PDCD6IP: variants seen among roughly 807,000 people sequenced by gnomAD.
The protein encoded by PDCD6IP is programmed cell death 6-interacting protein.
A neutral mutation model predicts 103.7 loss-of-function variants in PDCD6IP; 43 were observed. That is an observed-to-expected ratio of 0.41 (90% CI 0.32 to 0.53). PDCD6IP has a LOEUF of 0.53. Ranked by LOEUF, PDCD6IP falls within the 20% of genes least tolerant of loss-of-function variation. The pLI, the probability that PDCD6IP is intolerant of heterozygous loss-of-function variation, is 0.16. For synonymous variants in PDCD6IP, 354 were observed against 378.7 expected, an observed-to-expected ratio of 0.93 and a Z score of 0.76; for missense variants, 871 against 1,036.7, an observed-to-expected ratio of 0.84 and a Z score of 2.20.
chr3:33,855,384 C>T (rs1697804192), intron 15 of PDCD6IP, 124 bp downstream of exon 15: 1 of 596,776 alleles, frequency 1.7e-6, no homozygotes, highest in Admixed American at 3.0e-5. Flanking sequence ...GAAGAAGGAA[C>T]TAGATAGAGT....
intron 4 of PDCD6IP, among the ~76,000 whole-genome samples, chr3:33,823,458 C>A (rs1207330744): frequency 6.6e-6 from 1 of 152,168 alleles, no homozygotes; most frequent in Non-Finnish European, 1.5e-5. Context: ...TACGCTATTT[C>A]TTTTTGAGGC....
chr3:33,844,393 A>T (rs953248598), intron 11 of PDCD6IP, among the ~76,000 whole-genome samples, 170 bp downstream of exon 11: 1 of 152,258 alleles, frequency 6.6e-6, no homozygotes, highest in African/African-American at 2.4e-5. Context: ...CAATTGTCAG[A>T]AGTACAGATT....
intron 7 of PDCD6IP, among the ~76,000 whole-genome samples, chr3:33,832,287 G>A (rs1169053046): frequency 6.6e-6 from 1 of 152,038 alleles, no homozygotes; most frequent in Non-Finnish European, 1.5e-5. Context: ...AATCCCCTAT[G>A]AGGCCCCACC....
At chr3:33,836,977 A>C (rs1279919503) in intron 8 of PDCD6IP, among the ~76,000 whole-genome samples, 1 of 151,138 alleles carries the variant, frequency 6.6e-6, no homozygotes, top group Non-Finnish European at 1.5e-5. Context: ...GCTGGAGTGC[A>C]ATGGTGCTGT....
intron 3 of PDCD6IP, among the ~76,000 whole-genome samples, chr3:33,816,737 C>G (rs1696863180): frequency 1.3e-5 from 2 of 152,016 alleles, no homozygotes; most frequent in South Asian, 4.1e-4. Flanking sequence ...GTGGGTTGCT[C>G]ATTTCAGGAA....
rs910573357 is a variant in PDCD6IP, at chr3:33,826,870, G to A, written c.717+290G>A. The stretch of plus-strand genomic sequence containing the variant: ...GTTTTCAATACTTTTATCAAATCAA[G>A]GCATTGTGTAGTTCTGAATCATTGG... On this transcript the variant is annotated intron_variant, in intron 6 of 17. Coordinates refer to ENST00000307296, the MANE Select transcript of PDCD6IP (RefSeq NM_013374.6). The A allele has an allele frequency of 1.4e-5, 17 of 1,177,950 alleles. No individual in the cohort carries two copies. The Admixed American group carries it at 3.6e-4, about 25-fold the overall frequency. 73.0% of individuals were successfully genotyped at this position (1,177,950 alleles called of 1,614,324 possible).
intron 5 of PDCD6IP, 30 bp downstream of exon 5, chr3:33,825,370 TG>T: frequency 6.5e-7 from 1 of 1,538,710 alleles, no homozygotes; most frequent in East Asian, 2.3e-5. Flanking sequence ...TTGTTGCATG[TG>T]AAAAAAAGTG....
At chr3:33,807,561 G>C (rs1559771129) in intron 1 of PDCD6IP, among the ~76,000 whole-genome samples, 1 of 152,158 alleles carries the variant, frequency 6.6e-6, no homozygotes, top group Non-Finnish European at 1.5e-5. Context: ...GGCCCCCTGG[G>C]GCAGGTGCCC....
chr3:33,855,034 G>A, intron 14 of PDCD6IP, 132 bp from the exon 15 acceptor site: 1 of 554,526 alleles, frequency 1.8e-6, no homozygotes, highest in Non-Finnish European at 3.3e-6. Context: ...CTAGTAAATT[G>A]TATAAATGTA....
At chr3:33,847,052 A>G (rs530457396) in intron 12 of PDCD6IP, among the ~76,000 whole-genome samples, 14 of 152,382 alleles carry the variant, frequency 9.2e-5, no homozygotes, top group African/African-American at 3.1e-4. Flanking sequence ...GGAGGTGGTC[A>G]GAAGATTAAC....
At position 33,845,425 on chromosome 3, in the gene PDCD6IP, C is replaced by T. The variant is rs772561654; in HGVS notation, c.1478C>T (p.Thr493Ile). 3 of 1,611,052 alleles carry T rather than the reference C, an allele frequency of 1.9e-6. No individual in the cohort carries two copies. The highest frequency in any genetic ancestry group is 2.5e-6 in the Non-Finnish European group (3 of 1,178,368). ...AACTTTTATTTTCTCCCAGAGGGAA[C>T]CAACTTCAGAACAGTTTTAGATAAA... ...ELYKPLRAEG[T>I]NFRTVLDKAV... The change falls in exon 12 of 18, where the codon ACC becomes ATC. Residue 493 changes from threonine to isoleucine, a missense_variant. Coordinates refer to ENST00000307296, the MANE Select transcript of PDCD6IP (RefSeq NM_013374.6).
At chr3:33,848,947 A>G (rs1697656864) in intron 12 of PDCD6IP, among the ~76,000 whole-genome samples, 1 of 152,262 alleles carries the variant, frequency 6.6e-6, no homozygotes. Flanking sequence ...TGGGCATTAT[A>G]TAAAATTGAG....
intron 12 of PDCD6IP, among the ~76,000 whole-genome samples, chr3:33,851,454 G>A (rs1270083903): frequency 6.6e-6 from 1 of 152,056 alleles, no homozygotes; most frequent in Non-Finnish European, 1.5e-5. Flanking sequence ...CTGAATACAA[G>A]AGATAAATCT....
intron 15 of PDCD6IP, among the ~76,000 whole-genome samples, chr3:33,860,857 G>T (rs1421296426): frequency 6.6e-6 from 1 of 152,112 alleles, no homozygotes; most frequent in Non-Finnish European, 1.5e-5. Flanking sequence ...AATCACTGCT[G>T]TCCAGTATTG....
intron 15 of PDCD6IP, among the ~76,000 whole-genome samples, chr3:33,855,996 C>A (rs1446573740): frequency 6.6e-6 from 1 of 152,168 alleles, no homozygotes. Flanking sequence ...GACAGGCGGG[C>A]AGCTGGGCGA....
rs186168630 is a variant in PDCD6IP at position 33,821,477 on chromosome 3, G to T, written c.335-478G>T. On this transcript the variant is annotated intron_variant, in intron 3 of 17. Coordinates refer to ENST00000307296, the MANE Select transcript of PDCD6IP (RefSeq NM_013374.6). The stretch of plus-strand genomic sequence containing the variant: ...GGGTTTTAGCCCAGCTAACCTGCTA[G>T]CCCTTTGAGAAATGTATTTGCATGA... Among the ~76,000 whole-genome samples the T allele has an allele frequency of 2.1e-4, 32 of 152,112 alleles. No individual in the cohort carries two copies. In the East Asian group the frequency reaches 5.8e-3, roughly 28 times the overall value.
Position 33,844,134 on chromosome 3 carries a change from A to G in PDCD6IP, c.1382A>G (p.Glu461Gly). Reference protein sequence around the residue: ...LDESLRLLDEEEATDNDLRAK... With the variant: ...LDESLRLLDEGEATDNDLRAK... ...AAGTCATTAAGGTTGTTGGATGAAG[A>G]AGAAGCAACCGATAATGATTTAAGA... is the stretch of plus-strand genomic sequence containing the variant. Residue 461 changes from glutamate (E) to glycine (G), a missense_variant, in exon 11 of 18, where the codon GAA (glutamate) becomes GGA (glycine). Physicochemically the swap from Glu to Gly is moderately conservative, Grantham distance 98. Around this residue, in one of 5 missense-constraint regions of PDCD6IP, gnomAD observed 266 missense variants for 390.5 expected, o/e 0.68. Coordinates refer to ENST00000307296, the MANE Select transcript of PDCD6IP (RefSeq NM_013374.6). 6.2e-7 allele frequency: 1 copy of G among 1,600,016 alleles called. No individual in the cohort carries two copies. The highest frequency in any genetic ancestry group is 8.5e-7 in the Non-Finnish European group (1 of 1,176,412).
At chr3:33,827,285 A>G (rs2125557658) in intron 6 of PDCD6IP, 1 of 820,940 alleles carries the variant, frequency 1.2e-6, no homozygotes, top group Non-Finnish European at 1.5e-6. Context: ...TGTTTCAACT[A>G]CTTCCTTCAG....
intron 9 of PDCD6IP, among the ~76,000 whole-genome samples, chr3:33,840,008 A>G (rs1246292858): frequency 6.6e-6 from 1 of 152,180 alleles, no homozygotes; most frequent in Non-Finnish European, 1.5e-5. Flanking sequence ...TCAGATACAT[A>G]TAATTGAGAA....
Sources: gnomAD v4.1 joint callset for allele counts (sites outside exome capture counted in the v4.1 genomes callset) on GRCh38, gnomAD v4.1.1 for gene constraint, gnomAD v4.1.1 regional missense constraint, MANE v1.5 for transcripts, NCBI Gene and HGNC (gene_info 2026-07-23, HGNC 2026-07-21) for gene names.